SNX6: variants seen among roughly 807,000 people sequenced by gnomAD.
The protein encoded by SNX6 is sorting nexin 6.
Under a neutral mutation model 63.0 loss-of-function variants are expected in SNX6, and 34 were observed. That is an observed-to-expected ratio of 0.54 (90% CI 0.41 to 0.72). SNX6 has a LOEUF of 0.72. Ranked by LOEUF, SNX6 falls within the 30% of genes least tolerant of loss-of-function variation. SNX6 has a pLI of 0.00. For synonymous variants in SNX6, 170 were observed against 164.2 expected (o/e 1.04, Z -0.27); for missense variants, 398 against 471.4 (o/e 0.84, Z 1.44).
At chr14:34,622,925 G>C (rs777840022) in intron 2 of SNX6, among the ~76,000 whole-genome samples, 2 of 152,292 alleles carry the variant, frequency 1.3e-5, no homozygotes, top group Middle Eastern at 3.4e-3. Context: ...AGTTTATATG[G>C]AAAGTCCCTG....
At chr14:34,576,854 C>T (rs1485424856) in intron 10 of SNX6, among the ~76,000 whole-genome samples, 4 of 149,644 alleles carry the variant, frequency 2.7e-5, no homozygotes, top group African/African-American at 4.9e-5. Context: ...GAGGCCGAGG[C>T]GGGCGGATCA....
chr14:34,577,419 C>T (rs1052924896), intron 10 of SNX6, among the ~76,000 whole-genome samples: 2 of 152,058 alleles, frequency 1.3e-5, no homozygotes, highest in Admixed American at 1.3e-4. Context: ...TTGATATGTA[C>T]ACACAATTTT....
In SNX6 at chr14:34,611,461, A is replaced by G. The variant is rs1429086726; in HGVS notation, c.55-1719T>C. Among the ~76,000 whole-genome samples, 107 of 149,558 alleles carry G rather than the reference A, an allele frequency of 7.2e-4. 1 individual carries two copies. Among genetic ancestry groups the G allele is most frequent in the Non-Finnish European group, 4.1e-4 (28 of 67,478 alleles). ...CACTTCACTCCAGCCTGGGCAATAG[A>G]GCCAAACCCTGTCTCAAAAAGAAAA... On this transcript the variant is annotated intron_variant, in intron 2 of 13. Coordinates refer to ENST00000362031, the MANE Select transcript of SNX6 (RefSeq NM_152233.4).
intron 10 of SNX6, among the ~76,000 whole-genome samples, chr14:34,578,994 C>G (rs1190461519): frequency 7.6e-6 from 1 of 131,394 alleles, no homozygotes; most frequent in African/African-American, 2.7e-5. Context: ...TATACACCTA[C>G]CAGAATGACA....
At chr14:34,601,555 C>CA (rs746443207) in intron 6 of SNX6, among the ~76,000 whole-genome samples, 3 of 150,290 alleles carry the variant, frequency 2.0e-5, no homozygotes, top group East Asian at 2.0e-4. Flanking sequence ...TTAAGGATTA[C>CA]AAAAAAAATC....
chr14:34,571,145 T>C (rs968105798), intron 11 of SNX6, among the ~76,000 whole-genome samples: 2 of 151,728 alleles, frequency 1.3e-5, no homozygotes, highest in South Asian at 2.1e-4. Context: ...TGAAAAGACA[T>C]AGAAGAGGCC....
intron 2 of SNX6, among the ~76,000 whole-genome samples, chr14:34,623,073 C>T (rs1292496603): frequency 6.6e-6 from 1 of 152,200 alleles, no homozygotes; most frequent in East Asian, 1.9e-4. Context: ...CTTCACTACA[C>T]TGTGATGGTC....
chr14:34,609,359 T>C (rs1046215346), intron 3 of SNX6, among the ~76,000 whole-genome samples: 2 of 151,406 alleles, frequency 1.3e-5, no homozygotes, highest in Non-Finnish European at 2.9e-5. Flanking sequence ...TGGACGCCTG[T>C]AGTCCCAGCT....
chr14:34,584,356 C>T (rs757014389), intron 9 of SNX6, among the ~76,000 whole-genome samples: 92 of 150,028 alleles, frequency 6.1e-4, no homozygotes, highest in Non-Finnish European at 1.2e-3. Flanking sequence ...GGCTGGGGTG[C>T]AGTGGTGTGA....
intron 2 of SNX6, among the ~76,000 whole-genome samples, chr14:34,616,257 A>G (rs1477336497): frequency 2.0e-5 from 3 of 152,026 alleles, no homozygotes; most frequent in African/African-American, 7.2e-5. Context: ...CCCAGCCAGG[A>G]ATGTCTTTCA....
chr14:34,572,300 T>C (rs1462852782), intron 11 of SNX6, among the ~76,000 whole-genome samples: 1 of 152,152 alleles, frequency 6.6e-6, no homozygotes, highest in Non-Finnish European at 1.5e-5. Flanking sequence ...GGCTCACAAC[T>C]ATAATCCCAA....
chr14:34,578,628 C>CAAA (rs146062484), intron 10 of SNX6, among the ~76,000 whole-genome samples: 7 of 129,090 alleles, frequency 5.4e-5, no homozygotes, highest in African/African-American at 1.5e-4. Flanking sequence ...AGATCTGTCT[C>CAAA]AAAAAGAAAA....
At chr14:34,574,235 C>T (rs1034519084) in intron 11 of SNX6, among the ~76,000 whole-genome samples, 1 of 150,972 alleles carries the variant, frequency 6.6e-6, no homozygotes, top group Non-Finnish European at 1.5e-5. Context: ...ACTTGGGAGG[C>T]TGAGGCAGGA....
chr14:34,569,801 T>G (rs1881360923), intron 11 of SNX6, among the ~76,000 whole-genome samples: 1 of 152,210 alleles, frequency 6.6e-6, no homozygotes, highest in Non-Finnish European at 1.5e-5. Context: ...TTGATAGGCA[T>G]TTGGTTTATT....
At chr14:34,600,365 A>C (rs980351474) in intron 6 of SNX6, among the ~76,000 whole-genome samples, 3 of 151,858 alleles carry the variant, frequency 2.0e-5, no homozygotes, top group Non-Finnish European at 2.9e-5. Context: ...GCCTCAAGTG[A>C]ATACCTTGCC....
intron 2 of SNX6, among the ~76,000 whole-genome samples, chr14:34,628,315 C>A (rs545979355): frequency 1.3e-5 from 2 of 152,100 alleles, no homozygotes; most frequent in Non-Finnish European, 2.9e-5. Context: ...AAAAATTAGC[C>A]GGGCGTGGTG....
chr14:34,574,335 C>CA (rs752543547), intron 11 of SNX6, among the ~76,000 whole-genome samples: 2,449 of 101,736 alleles, frequency 0.024, 36 homozygotes, highest in Middle Eastern at 0.072. Context: ...GAGTCCACCT[C>CA]AAAAAAAAAA....
At chr14:34,611,295 G>T (rs1169623312) in intron 2 of SNX6, among the ~76,000 whole-genome samples, 1 of 151,256 alleles carries the variant, frequency 6.6e-6, no homozygotes, top group South Asian at 2.1e-4. Flanking sequence ...TGGCCAACAC[G>T]GCAAAACCCC....
intron 9 of SNX6, among the ~76,000 whole-genome samples, chr14:34,583,210 G>A (rs771355389): frequency 6.6e-6 from 1 of 152,168 alleles, no homozygotes; most frequent in African/African-American, 2.4e-5. Context: ...TTGGGAGGCT[G>A]AGGCAGGAGA....
Sources: allele counts gnomAD v4.1 joint callset (sites outside exome capture counted in the v4.1 genomes callset), GRCh38; gene constraint gnomAD v4.1.1; transcripts MANE v1.5; gene names NCBI Gene and HGNC (gene_info 2026-07-23, HGNC 2026-07-21).